CTNNA1: variants seen among roughly 807,000 people sequenced by gnomAD.
CTNNA1 encodes catenin alpha-1.
Under a neutral mutation model 98.4 loss-of-function variants are expected in CTNNA1, and 37 were observed. The ratio of observed to expected loss-of-function variants is 0.38; its 90% CI spans 0.29 to 0.49. The LOEUF is 0.49. Among genes scored for constraint, CTNNA1 ranks in the 20% least tolerant of loss-of-function variants. The pLI is 0.95. For missense variants in CTNNA1, 761 were observed against 1,147.2 expected, an observed-to-expected ratio of 0.66 and a Z score of 4.86; for synonymous variants, 404 against 413.2, an observed-to-expected ratio of 0.98 and a Z score of 0.27.
At chr5:138,818,965 A>C (rs1473536208) in intron 5 of CTNNA1, among the ~76,000 whole-genome samples, 2 of 152,166 alleles carry the variant, frequency 1.3e-5, no homozygotes, top group African/African-American at 4.8e-5. Flanking sequence ...AGTTGCCCAT[A>C]AAGCCAGGAT....
chr5:138,846,544 G>A (rs1356913498), intron 7 of CTNNA1, among the ~76,000 whole-genome samples: 1 of 152,136 alleles, frequency 6.6e-6, no homozygotes, highest in African/African-American at 2.4e-5. Context: ...CATCTTACAT[G>A]AAGTAAAGAG....
chr5:138,877,461 G>C (rs930529524), intron 7 of CTNNA1, among the ~76,000 whole-genome samples: 1 of 136,118 alleles, frequency 7.3e-6, no homozygotes, highest in Non-Finnish European at 1.6e-5. Flanking sequence ...TTTTTTTTGA[G>C]ACGGAGTCTC....
At chr5:138,775,746 G>C (rs974886823) in intron 1 of CTNNA1, among the ~76,000 whole-genome samples, 1 of 133,632 alleles carries the variant, frequency 7.5e-6, no homozygotes, top group Non-Finnish European at 1.6e-5. Flanking sequence ...TTTTGAGTCG[G>C]AGTCTTGCTC....
rs1763656202 is a variant in CTNNA1, at chr5:138,924,796, GA to G, written c.1747+88del. 3.2e-6 allele frequency: 4 copies of G among 1,243,878 alleles called. No individual in the cohort carries two copies. The Admixed American group carries it at 6.6e-5, about 20-fold the overall frequency. The allele number at this position is 1,243,878 out of a possible 1,614,324, so 77.1% of individuals were successfully genotyped here. On this transcript the variant is annotated intron_variant, in intron 12 of 17. Transcript: ENST00000302763. ...CCCATTAGCCCAGCCCTGTGGTGAG[GA>G]AGGAGGAGTTGGGAACTCAGATTTG...
chr5:138,753,905 C>T (rs1456403231), intron 1 of CTNNA1: 1 of 154,466 alleles, frequency 6.5e-6, no homozygotes, highest in Non-Finnish European at 1.4e-5. Context: ...CGCCGGGCCC[C>T]TCGGCCGCCT....
rs2116809 is a variant in CTNNA1 at position 138,903,249 on chromosome 5, C to T, written c.1297-1100C>T. 4.8e-3 allele frequency among the ~76,000 whole-genome samples: 727 copies of T among 152,212 alleles called. 2 individuals carry two copies. Among genetic ancestry groups the T allele is most frequent in the African/African-American group, 0.015 (610 of 41,528 alleles). ...GAAAGCTGATAATCCTTAACTGTAG[C>T]ACTACAAACAACTGCCGTAATAGTG... On this transcript the variant is annotated intron_variant, in intron 9 of 17. Transcript: ENST00000302763.
Position 138,862,846 on chromosome 5 carries a change from GCA to G in CTNNA1, c.1063-23363_1063-23362del, listed in dbSNP as rs1187905117. ...CTAGAAAGTAGGGTTTTAGGAAGCA[GCA>G]CATGGGTCTAACATGTCTTTAATGT... On this transcript the variant is annotated intron_variant, in intron 7 of 17. Coordinates refer to ENST00000302763, the MANE Select transcript of CTNNA1 (RefSeq NM_001903.5). Among the ~76,000 whole-genome samples, 10 of 152,330 alleles carry G rather than the reference GCA, an allele frequency of 6.6e-5. No individual in the cohort carries two copies. In the East Asian group the frequency reaches 1.9e-3, roughly 29 times the overall value.
At position 138,920,388 on chromosome 5, in the gene CTNNA1, G is replaced by A. The variant is rs1057227613; in HGVS notation, c.1546+2490G>A. ...GCAGTCACGGGCAGTATTTAGATGGGAAGCCACATCTTGGCCCTGACGTGG... is the reference window on the plus strand; with the variant it reads ...GCAGTCACGGGCAGTATTTAGATGGAAAGCCACATCTTGGCCCTGACGTGG... On this transcript the variant is annotated intron_variant, in intron 11 of 17. Transcript: ENST00000302763. 5.6e-4 allele frequency among the ~76,000 whole-genome samples: 86 copies of A among 152,230 alleles called. 3 individuals carry two copies.
At chr5:138,803,289 G>T (rs1054209886) in intron 3 of CTNNA1, among the ~76,000 whole-genome samples, 1 of 151,830 alleles carries the variant, frequency 6.6e-6, no homozygotes, top group African/African-American at 2.4e-5. Context: ...AAGTAGCTAA[G>T]ACTATAGGTG....
intron 7 of CTNNA1, among the ~76,000 whole-genome samples, chr5:138,852,308 A>G (rs561388759): frequency 6.6e-6 from 1 of 152,166 alleles, no homozygotes; most frequent in East Asian, 1.9e-4. Context: ...CCTTCCTTCC[A>G]TATTGACATT....
chr5:138,875,622 AT>A (rs1751311690), intron 7 of CTNNA1: 4 of 985,290 alleles, frequency 4.1e-6, no homozygotes. Context: ...CAGAGTGATG[AT>A]TTTTAATGCT....
intron 14 of CTNNA1, 65 bp from the exon 15 acceptor site, chr5:138,930,408 G>C: frequency 2.5e-6 from 3 of 1,187,718 alleles, no homozygotes; most frequent in Non-Finnish European, 3.6e-6. Context: ...AAATATTCTT[G>C]GCTAATGCAC....
At chr5:138,862,327 G>T (rs1764360259) in intron 7 of CTNNA1, among the ~76,000 whole-genome samples, 1 of 152,198 alleles carries the variant, frequency 6.6e-6, no homozygotes, top group Admixed American at 6.5e-5. Context: ...TCCTAAATTA[G>T]ATGTGATAGA....
chr5:138,786,896 A>G (rs1581001547), intron 3 of CTNNA1, among the ~76,000 whole-genome samples: 1 of 152,358 alleles, frequency 6.6e-6, no homozygotes, highest in Non-Finnish European at 1.5e-5. Context: ...CAGCAAAAGA[A>G]AATTTATACA....
At chr5:138,930,232 A>C (rs1765012010) in intron 14 of CTNNA1, among the ~76,000 whole-genome samples, 1 of 152,202 alleles carries the variant, frequency 6.6e-6, no homozygotes, top group South Asian at 2.1e-4. Flanking sequence ...CTTCCACATT[A>C]GCCTTCCACC....
chr5:138,843,153 A>G (rs1410697109), intron 7 of CTNNA1, among the ~76,000 whole-genome samples: 2 of 152,226 alleles, frequency 1.3e-5, no homozygotes, highest in South Asian at 2.1e-4. Flanking sequence ...ACAGAGTGAG[A>G]TGTATGATTT....
intron 7 of CTNNA1, among the ~76,000 whole-genome samples, chr5:138,839,746 G>C (rs1170138423): frequency 6.6e-6 from 1 of 152,186 alleles, no homozygotes; most frequent in African/African-American, 2.4e-5. Flanking sequence ...GACAGACAGG[G>C]TGGAGTATAT....
intron 1 of CTNNA1, among the ~76,000 whole-genome samples, chr5:138,761,100 A>T (rs1455391129): frequency 6.6e-6 from 1 of 152,222 alleles, no homozygotes; most frequent in Admixed American, 6.5e-5. Context: ...ATGCCCACTT[A>T]GCTCTTGAAG....
Position 138,753,462 on chromosome 5 carries a change from C to A in CTNNA1, c.-51C>A. The A allele has an allele frequency of 5.3e-6, 2 of 377,562 alleles. No individual in the cohort carries two copies. Among genetic ancestry groups the A allele is most frequent in the East Asian group, 7.6e-5 (2 of 26,488 alleles). The allele number at this position is 377,562 out of a possible 1,614,324, so 23.4% of individuals were successfully genotyped here. ...GGACTGGAGGGAGACAAAGCAGCGC[C>A]CGTCTGCTTCGGGCCTCTGGAATTT... is the stretch of plus-strand genomic sequence containing the variant. On this transcript the variant is annotated 5_prime_UTR_variant, in exon 1 of 18. Transcript: ENST00000302763.
Sources: allele counts gnomAD v4.1 joint callset (sites outside exome capture counted in the v4.1 genomes callset), GRCh38; gene constraint gnomAD v4.1.1; transcripts MANE v1.5; gene names NCBI Gene and HGNC (gene_info 2026-07-23, HGNC 2026-07-21).